Variants in RPA3 observed in about 807,000 individuals in gnomAD.
The protein encoded by RPA3 is replication protein A3.
RPA3 carries 24 observed loss-of-function variants against 13.7 expected under a neutral mutation model. That is an observed-to-expected ratio of 1.75 (90% CI 1.27 to 2.46). The LOEUF is 2.46. Among genes scored for constraint, RPA3 ranks in the 30% most tolerant of loss-of-function variants. The pLI is 0.00. For synonymous variants in RPA3, 59 were observed against 51.2 expected, an observed-to-expected ratio of 1.15 and a Z score of -0.65; for missense variants, 183 against 151.0, an observed-to-expected ratio of 1.21 and a Z score of -1.11.
chr7:7,686,559 C>T (rs1397132690), intron 3 of RPA3, among the ~76,000 whole-genome samples: 4 of 152,250 alleles, frequency 2.6e-5, no homozygotes, highest in East Asian at 1.9e-4. Context: ...AAGGCATGCA[C>T]GTATACTCAT....
Position 7,649,182 on chromosome 7 carries a change from A to G in RPA3, c.-757-8007T>C, listed in dbSNP as rs1785166510. Among the ~76,000 whole-genome samples, 7 of 151,152 alleles carry G rather than the reference A, an allele frequency of 4.6e-5. No homozygotes were observed. The South Asian group carries it at 1.5e-3, about 32-fold the overall frequency. On this transcript the variant is annotated intron_variant, in intron 4 of 7. Coordinates refer to ENST00000223129, the MANE Select transcript of RPA3 (RefSeq NM_002947.5). ...TCAAAAAAAAAAAAAAAAAAAAAGAAAAGAAAAGAATAAAAAAGGAAAGGA... is the reference window on the plus strand; with the variant it reads ...TCAAAAAAAAAAAAAAAAAAAAAGAGAAGAAAAGAATAAAAAAGGAAAGGA...
rs1303246405 is a variant in RPA3, at chr7:7,699,574, A to G, written c.-1027-12246T>C. Among the ~76,000 whole-genome samples the G allele has an allele frequency of 3.3e-5, 5 of 152,182 alleles. No individual in the cohort carries two copies. In the East Asian group the frequency reaches 9.6e-4, roughly 29 times the overall value. On this transcript the variant is annotated intron_variant, in intron 2 of 7. Coordinates refer to ENST00000223129, the MANE Select transcript of RPA3 (RefSeq NM_002947.5). The stretch of plus-strand genomic sequence containing the variant: ...ATCCCTAGGGTGGTCCCTGGATGTG[A>G]TGGTCCAATCTGTAAGGTCATCTTG...
chr7:7,668,201 C>G (rs1779518033), intron 4 of RPA3, among the ~76,000 whole-genome samples: 1 of 152,088 alleles, frequency 6.6e-6, no homozygotes, highest in Non-Finnish European at 1.5e-5. Context: ...GTGTAAGCCA[C>G]CATGCCTGGT....
intron 4 of RPA3, among the ~76,000 whole-genome samples, chr7:7,680,872 GA>G (rs1342972298): frequency 2.0e-5 from 3 of 151,324 alleles, no homozygotes; most frequent in Admixed American, 6.6e-5. Flanking sequence ...AAATGCTATT[GA>G]TTTTTGTATG....
At chr7:7,647,948 C>T (rs139439281) in intron 4 of RPA3, among the ~76,000 whole-genome samples, 24 of 152,234 alleles carry the variant, frequency 1.6e-4, no homozygotes, top group African/African-American at 5.5e-4. Flanking sequence ...CTATTATAGA[C>T]GTGCCAGCTG....
chr7:7,685,549 C>T (rs530810159), intron 4 of RPA3, among the ~76,000 whole-genome samples: 3 of 152,156 alleles, frequency 2.0e-5, no homozygotes, highest in African/African-American at 4.8e-5. Flanking sequence ...CCTCGTGATC[C>T]GCCCGCCCCT....
In RPA3 at chr7:7,705,477, C is replaced by G. The variant is rs28912701; in HGVS notation, c.-1028+9698G>C. 2.0e-3 allele frequency among the ~76,000 whole-genome samples: 302 copies of G among 152,144 alleles called. 1 individual carries two copies. Among genetic ancestry groups the G allele is most frequent in the African/African-American group, 6.8e-3 (281 of 41,506 alleles). On this transcript the variant is annotated intron_variant, in intron 2 of 7. Coordinates refer to ENST00000223129, the MANE Select transcript of RPA3 (RefSeq NM_002947.5). The stretch of plus-strand genomic sequence containing the variant: ...GGTCACTGCTCTGTACAGCCTGCAC[C>G]CAGTGTTTATATTCAGTGTGTTATT...
chr7:7,668,930 C>T (rs976456036), intron 4 of RPA3, among the ~76,000 whole-genome samples: 4 of 152,164 alleles, frequency 2.6e-5, no homozygotes, highest in Non-Finnish European at 5.9e-5. Flanking sequence ...CACACTCACT[C>T]AGAAAGGAAC....
Position 7,636,577 on chromosome 7 carries a change from T to C in RPA3, c.*423A>G, listed in dbSNP as rs1015432658. 1 of 157,860 alleles carries C rather than the reference T, an allele frequency of 6.3e-6. No individual in the cohort carries two copies. Among genetic ancestry groups the C allele is most frequent in the African/African-American group, 2.4e-5 (1 of 41,492 alleles). The allele number at this position is 157,860 out of a possible 1,614,324, so 9.8% of individuals were successfully genotyped here. A position where few individuals can be genotyped will look rare whatever the true frequency, so the allele number is the denominator to read the frequency against. ...AAGGAAATAATTATCAAGGTATAGT[T>C]TGGGAAAAGGTGAGCAAATCCTTAA... is the stretch of plus-strand genomic sequence containing the variant. On this transcript the variant is annotated 3_prime_UTR_variant, in exon 8 of 8. Coordinates refer to ENST00000223129, the MANE Select transcript of RPA3 (RefSeq NM_002947.5).
Position 7,640,782 on chromosome 7 carries a change from C to A in RPA3, c.-364G>T, listed in dbSNP as rs1784949847. On this transcript the variant is annotated 5_prime_UTR_variant, in exon 5 of 8. Transcript: ENST00000223129. ...GACCCCGGAAGTGGGGTGTGAAGCT[C>A]CGGTGCTGGTGCGGCGGGGGACTGC... 4.5e-6 allele frequency: 1 copy of A among 221,102 alleles called. No homozygotes were observed. The highest frequency in any genetic ancestry group is 9.2e-6 in the Non-Finnish European group (1 of 108,844). The allele number at this position is 221,102 out of a possible 1,614,324, so 13.7% of individuals were successfully genotyped here.
intron 5 of RPA3, 76 bp from the exon 6 acceptor site, chr7:7,639,220 T>C: frequency 4.8e-6 from 5 of 1,037,910 alleles, no homozygotes; most frequent in Non-Finnish European, 7.2e-6. Context: ...CATTGATCCT[T>C]AGTTGAGCAC....
chr7:7,689,885 C>T (rs905093876), intron 2 of RPA3, among the ~76,000 whole-genome samples: 1 of 152,176 alleles, frequency 6.6e-6, no homozygotes, highest in African/African-American at 2.4e-5. Context: ...TAGTGATTAA[C>T]AACCATAGTA....
rs553985503 is a variant in RPA3 at position 7,637,844 on chromosome 7, T to C, written c.283+20A>G. 19 of 1,554,146 alleles carry C rather than the reference T, an allele frequency of 1.2e-5. No homozygotes were observed. In the Admixed American group the frequency reaches 2.5e-4, roughly 21 times the overall value. On this transcript the variant is annotated intron_variant, in intron 7 of 7. Coordinates refer to ENST00000223129, the MANE Select transcript of RPA3 (RefSeq NM_002947.5). Reference sequence around the variant, plus strand: ...TATGTAATTACATAAAACCAGTCAATACTAGAATGCTTTATTTACCAAAAG... The same window carrying C: ...TATGTAATTACATAAAACCAGTCAACACTAGAATGCTTTATTTACCAAAAG...
chr7:7,700,908 G>A (rs1157153850), intron 2 of RPA3, among the ~76,000 whole-genome samples: 3 of 151,966 alleles, frequency 2.0e-5, no homozygotes, highest in Non-Finnish European at 4.4e-5. Context: ...CAAAATGCCA[G>A]GCATGGTGGT....
At chr7:7,701,029 A>G (rs1048715129) in intron 2 of RPA3, among the ~76,000 whole-genome samples, 1 of 152,234 alleles carries the variant, frequency 6.6e-6, no homozygotes, top group African/African-American at 2.4e-5. Context: ...CAGCATGGGC[A>G]ACAGAGGGAG....
intron 4 of RPA3, among the ~76,000 whole-genome samples, chr7:7,671,574 G>A (rs920822803): frequency 2.0e-5 from 3 of 152,162 alleles, no homozygotes; most frequent in African/African-American, 7.2e-5. Context: ...AATTGTGTAA[G>A]TCGTTTAATT....
intron 2 of RPA3, among the ~76,000 whole-genome samples, chr7:7,708,927 CTG>C (rs890448329): frequency 1.3e-4 from 20 of 148,934 alleles, no homozygotes; most frequent in Non-Finnish European, 1.9e-4. Context: ...GTTTGTGTGT[CTG>C]TGTGTGTGTG....
At chr7:7,709,169 T>A (rs1168035898) in intron 2 of RPA3, among the ~76,000 whole-genome samples, 6 of 152,224 alleles carry the variant, frequency 3.9e-5, no homozygotes, top group African/African-American at 1.4e-4. Context: ...ATTAGTTGTT[T>A]GAAATTGACT....
intron 4 of RPA3, among the ~76,000 whole-genome samples, chr7:7,659,439 T>A (rs185625273): frequency 8.6e-4 from 131 of 152,352 alleles, no homozygotes; most frequent in African/African-American, 3.1e-3. Context: ...CTTGTTGGCA[T>A]TTAGTGCTAT....
Sources: allele counts gnomAD v4.1 joint callset (sites outside exome capture counted in the v4.1 genomes callset), GRCh38; gene constraint gnomAD v4.1.1; transcripts MANE v1.5; gene names NCBI Gene and HGNC (gene_info 2026-07-23, HGNC 2026-07-21).